Variants in EIF4G3 observed in about 807,000 individuals in gnomAD.
EIF4G3 encodes eukaryotic translation initiation factor 4 gamma 3.
EIF4G3 carries 34 observed loss-of-function variants against 186.4 expected under a neutral mutation model. That is an observed-to-expected ratio of 0.18 (90% CI 0.14 to 0.24). EIF4G3 has a LOEUF of 0.24. EIF4G3 is among the 10% of genes least tolerant of loss of function. The probability of loss-of-function intolerance (pLI) is 1.00; values close to 1 mark genes in which losing one functional copy is unlikely to be tolerated. For synonymous variants in EIF4G3, 673 were observed against 679.5 expected, an observed-to-expected ratio of 0.99 and a Z score of 0.15; for missense variants, 1,536 against 1,948.5, an observed-to-expected ratio of 0.79 and a Z score of 3.99.
At chr1:21,001,134 G>T in intron 6 of EIF4G3, 65 bp downstream of exon 6, 2 of 466,628 alleles carry the variant, frequency 4.3e-6, no homozygotes, top group Non-Finnish European at 8.9e-6. Flanking sequence ...AATGGATGTG[G>T]TCAAAAATAC....
intron 2 of EIF4G3, among the ~76,000 whole-genome samples, chr1:21,153,700 G>A (rs1457194847): frequency 6.6e-6 from 1 of 152,074 alleles, no homozygotes; most frequent in Non-Finnish European, 1.5e-5. Context: ...GAGTAGCTGG[G>A]ATTATAGGTA....
intron 3 of EIF4G3, among the ~76,000 whole-genome samples, chr1:21,065,560 C>A (rs908316415): frequency 1.7e-4 from 26 of 150,580 alleles, no homozygotes; most frequent in Non-Finnish European, 3.0e-4. Context: ...AAAAAAAAAA[C>A]AGTGGTGGGG....
intron 12 of EIF4G3, among the ~76,000 whole-genome samples, chr1:20,962,718 G>A (rs1046353541): frequency 2.6e-5 from 4 of 152,156 alleles, no homozygotes; most frequent in Admixed American, 2.6e-4. Flanking sequence ...TTTACTATGA[G>A]GCACAATTTA....
At chr1:20,995,498 A>G (rs1029264386) in intron 7 of EIF4G3, among the ~76,000 whole-genome samples, 2 of 152,020 alleles carry the variant, frequency 1.3e-5, no homozygotes, top group African/African-American at 4.8e-5. Context: ...CAGCCTCCCA[A>G]GTAACTGGGA....
intron 13 of EIF4G3, among the ~76,000 whole-genome samples, chr1:20,945,664 C>T (rs2095908798): frequency 6.6e-6 from 1 of 152,108 alleles, no homozygotes; most frequent in South Asian, 2.1e-4. Flanking sequence ...CAGGGTATCG[C>T]TATGTTACTC....
intron 4 of EIF4G3, among the ~76,000 whole-genome samples, chr1:21,044,396 T>C (rs1226530665): frequency 6.6e-6 from 1 of 152,204 alleles, no homozygotes; most frequent in Non-Finnish European, 1.5e-5. Flanking sequence ...ATGATGTGTT[T>C]CAAAGTGGGG....
Position 20,807,509 on chromosome 1 carries a change from A to G in EIF4G3, c.4745-9T>C, listed in dbSNP as rs2058267184. The G allele has an allele frequency of 1.9e-6, 3 of 1,575,964 alleles. No homozygotes were observed. The highest frequency in any genetic ancestry group is 1.7e-6 in the Non-Finnish European group (2 of 1,154,306). ...AAACATCCGCAGCAAATCTGCAAGG[A>G]GGTGAAAATAAACTATAAGCTTTGG... On this transcript the variant is annotated splice_polypyrimidine_tract_variant and intron_variant, in intron 36 of 36. Transcript: ENST00000602326.
At chr1:20,857,187 T>C (rs2075213331) in intron 25 of EIF4G3, among the ~76,000 whole-genome samples, 3 of 77,842 alleles carry the variant, frequency 3.9e-5, no homozygotes, top group African/African-American at 1.3e-4. Context: ...AAAGAAAATG[T>C]AGAAATGAGT....
intron 12 of EIF4G3, among the ~76,000 whole-genome samples, chr1:20,951,304 G>A (rs891760471): frequency 2.6e-5 from 4 of 151,838 alleles, no homozygotes; most frequent in African/African-American, 9.7e-5. Flanking sequence ...ACTATATAAG[G>A]CTTATATAGA....
At chr1:20,999,495 T>C (rs2083025807) in intron 6 of EIF4G3, 1 of 324,460 alleles carries the variant, frequency 3.1e-6, no homozygotes, top group South Asian at 2.6e-5. Flanking sequence ...GCAGTACCTG[T>C]CTTATCACTG....
intron 34 of EIF4G3, among the ~76,000 whole-genome samples, chr1:20,814,733 A>C (rs1414988355): frequency 7.5e-6 from 1 of 132,866 alleles, no homozygotes; most frequent in Non-Finnish European, 1.6e-5. Flanking sequence ...TAATTTAATT[A>C]AGGTTAAAAA....
At chr1:21,060,193 G>T (rs767261624) in intron 3 of EIF4G3, among the ~76,000 whole-genome samples, 1 of 152,138 alleles carries the variant, frequency 6.6e-6, no homozygotes, top group Non-Finnish European at 1.5e-5. Flanking sequence ...CAAGGGGTCC[G>T]CCTGCCTTGG....
At chr1:21,071,223 A>T (rs2095430775) in intron 3 of EIF4G3, among the ~76,000 whole-genome samples, 1 of 152,320 alleles carries the variant, frequency 6.6e-6, no homozygotes. Context: ...TGGGCAACAT[A>T]GTGAGATCCT....
At chr1:20,910,765 T>C (rs2093064112) in intron 14 of EIF4G3, among the ~76,000 whole-genome samples, 1 of 152,266 alleles carries the variant, frequency 6.6e-6, no homozygotes, top group South Asian at 2.1e-4. Flanking sequence ...TGAGACTAAA[T>C]GGGATTTTTA....
At chr1:20,992,348 T>G (rs1318075429) in intron 7 of EIF4G3, among the ~76,000 whole-genome samples, 2 of 15,328 alleles carry the variant, frequency 1.3e-4, no homozygotes, top group East Asian at 0.25. Flanking sequence ...ATATCTCAAC[T>G]AGGAATATAT....
chr1:21,138,134 T>A (rs2097278433), intron 2 of EIF4G3, among the ~76,000 whole-genome samples: 1 of 152,078 alleles, frequency 6.6e-6, no homozygotes, highest in Non-Finnish European at 1.5e-5. Context: ...GACCACAACA[T>A]CAAACGTAAG....
chr1:20,927,870 GTTTT>G (rs537430362), intron 14 of EIF4G3, among the ~76,000 whole-genome samples: 1 of 151,850 alleles, frequency 6.6e-6, no homozygotes, highest in Admixed American at 6.6e-5. Context: ...TTTTTGTTTT[GTTTT>G]TTTGACAGGG....
intron 4 of EIF4G3, among the ~76,000 whole-genome samples, chr1:21,012,813 G>C (rs958228576): frequency 1.3e-5 from 2 of 152,030 alleles, no homozygotes; most frequent in Non-Finnish European, 2.9e-5. Context: ...GGAACATATC[G>C]GGAAAACAGA....
At chr1:21,175,899 G>T (rs892797483) in intron 2 of EIF4G3, 5 of 179,936 alleles carry the variant, frequency 2.8e-5, no homozygotes, top group Non-Finnish European at 4.6e-5. Flanking sequence ...TAGGGGAGGA[G>T]GGGAGAAGGG....
Sources: gnomAD v4.1 joint callset for allele counts (sites outside exome capture counted in the v4.1 genomes callset) on GRCh38, gnomAD v4.1.1 for gene constraint, MANE v1.5 for transcripts, NCBI Gene and HGNC (gene_info 2026-07-23, HGNC 2026-07-21) for gene names.